Variants in DUXA observed in about 807,000 individuals in gnomAD.
The protein encoded by DUXA is double homeobox protein A.
A neutral mutation model predicts 27.5 loss-of-function variants in DUXA; 25 were observed. The ratio of observed to expected loss-of-function variants is 0.91; its 90% CI spans 0.66 to 1.27. The LOEUF is 1.27. Ranked by LOEUF, DUXA falls within the 50% of genes most tolerant of loss-of-function variation. The pLI is 0.00. For missense variants in DUXA, 247 were observed against 242.9 expected (o/e 1.02, Z -0.11); for synonymous variants, 90 against 80.5 (o/e 1.12, Z -0.63).
At chr19:57,161,983 C>T (rs1480058727) in intron 1 of DUXA, among the ~76,000 whole-genome samples, 1 of 152,086 alleles carries the variant, frequency 6.6e-6, no homozygotes, top group African/African-American at 2.4e-5. Flanking sequence ...TTCACCTCCA[C>T]AGGCTCAGGT....
chr19:57,161,382 G>A (rs1455787030), intron 1 of DUXA, among the ~76,000 whole-genome samples: 5 of 140,992 alleles, frequency 3.5e-5, no homozygotes, highest in Non-Finnish European at 7.5e-5. Flanking sequence ...CCAGCACTTT[G>A]GGAGGCCGAG....
intron 1 of DUXA, among the ~76,000 whole-genome samples, chr19:57,165,324 AATATAT>A (rs74179420): frequency 1.7e-4 from 15 of 89,264 alleles, no homozygotes; most frequent in Admixed American, 2.6e-4. Context: ...AAAAAAAAAA[AATATAT>A]ATATATATAT....
chr19:57,158,807 A>G (rs1254638286), intron 3 of DUXA, among the ~76,000 whole-genome samples: 1 of 152,150 alleles, frequency 6.6e-6, no homozygotes, highest in Non-Finnish European at 1.5e-5. Flanking sequence ...ATATGGCGAA[A>G]CCTCGTCTCT....
chr19:57,154,764 C>T (rs373090488), intron 5 of DUXA, among the ~76,000 whole-genome samples: 22 of 151,956 alleles, frequency 1.4e-4, no homozygotes, highest in Non-Finnish European at 5.9e-5. Flanking sequence ...GGGGTTTCAC[C>T]GTGTTAGCCA....
intron 5 of DUXA, 131 bp downstream of exon 5, chr19:57,155,136 A>G (rs2086986045): frequency 1.3e-6 from 1 of 761,304 alleles, no homozygotes; most frequent in South Asian, 1.7e-5. Flanking sequence ...GAGCAACCCC[A>G]TGGTACCGTG....
chr19:57,154,940 TGAGG>T (rs2086984928), intron 5 of DUXA, among the ~76,000 whole-genome samples: 2 of 152,218 alleles, frequency 1.3e-5, no homozygotes, highest in African/African-American at 4.8e-5. Flanking sequence ...AGACCACACC[TGAGG>T]ATTCATTCCT....
rs1430638529 is a variant in DUXA, at chr19:57,154,454, G to T, written c.573C>A (p.Asn191Lys). ...QGAEDTQNGT[N>K]FTSDSHFSGA... ...CAGAGAAATGAGAGTCACTAGTGAA[G>T]TTGGTGCCATTTTGTGTATCTTCTG... Residue 191 changes from asparagine (N) to lysine (K), a missense_variant, in exon 6 of 6, where the codon AAC (asparagine) becomes AAA (lysine). Transcript: ENST00000554048. 6.3e-7 allele frequency: 1 copy of T among 1,599,386 alleles called. No individual in the cohort carries two copies. The highest frequency in any genetic ancestry group is 8.6e-7 in the Non-Finnish European group (1 of 1,167,314).
At chr19:57,163,718 C>T (rs2087036467) in intron 1 of DUXA, among the ~76,000 whole-genome samples, 1 of 152,178 alleles carries the variant, frequency 6.6e-6, no homozygotes, top group African/African-American at 2.4e-5. Flanking sequence ...TGTGAGCCAC[C>T]ATGCCTGGCC....
intron 1 of DUXA, among the ~76,000 whole-genome samples, chr19:57,167,059 T>G (rs2087058574): frequency 1.3e-5 from 2 of 152,160 alleles, no homozygotes; most frequent in Admixed American, 1.3e-4. Context: ...CTGGAATCCT[T>G]GATTCCAAGG....
intron 5 of DUXA, among the ~76,000 whole-genome samples, chr19:57,154,685 T>C (rs1474352228): frequency 6.6e-6 from 1 of 151,666 alleles, no homozygotes; most frequent in African/African-American, 2.4e-5. Context: ...TGCCTCAGCC[T>C]CCCGAGTAGC....
chr19:57,160,860 T>A, intron 1 of DUXA, 63 bp from the exon 2 acceptor site: 2 of 1,574,170 alleles, frequency 1.3e-6, no homozygotes, highest in South Asian at 2.3e-5. Context: ...AAACTTCAGG[T>A]TCAAGCTAGT....
intron 2 of DUXA, 130 bp downstream of exon 2, chr19:57,160,513 G>T (rs1460444194): frequency 8.9e-7 from 1 of 1,119,660 alleles, no homozygotes; most frequent in African/African-American, 1.6e-5. Context: ...ACCTTCGTGG[G>T]TTTATTGAGG....
At chr19:57,158,794 C>T (rs1156349696) in intron 3 of DUXA, among the ~76,000 whole-genome samples, 4 of 152,116 alleles carry the variant, frequency 2.6e-5, no homozygotes, top group Non-Finnish European at 5.9e-5. Flanking sequence ...ACCAGCCTGA[C>T]CAATATGGCG....
At chr19:57,166,304 T>C (rs576797170) in intron 1 of DUXA, among the ~76,000 whole-genome samples, 8 of 152,036 alleles carry the variant, frequency 5.3e-5, no homozygotes, top group Non-Finnish European at 1.2e-4. Flanking sequence ...ATTTAATTTA[T>C]GTATGTATGT....
chr19:57,155,267 C>T lies in DUXA; in HGVS notation c.544G>A (p.Gly182Ser), dbSNP rs765067191. ...EQGKIPEGLQGAEDTQNGTNF... is the reference protein window; with the variant it reads ...EQGKIPEGLQSAEDTQNGTNF... ...ACATTGGAAACAACAGGCTAGTTAC[C>T]TTGCAGTCCCTCAGGAATCTTGCCC... The change falls in exon 5 of 6, where the codon GGT becomes AGT. Residue 182 changes from glycine (G) to serine (S), a missense_variant and splice_region_variant. Coordinates refer to ENST00000554048, the MANE Select transcript of DUXA (RefSeq NM_001012729.2). 1 of 1,613,980 alleles carries T rather than the reference C, an allele frequency of 6.2e-7. No individual in the cohort carries two copies. Among genetic ancestry groups the T allele is most frequent in the South Asian group, 1.1e-5 (1 of 91,082 alleles).
chr19:57,165,322 A>ATATATATATATATATGTATAT (rs1484903570), intron 1 of DUXA, among the ~76,000 whole-genome samples: 6 of 89,098 alleles, frequency 6.7e-5, no homozygotes, highest in Non-Finnish European at 9.5e-5. Flanking sequence ...AAAAAAAAAA[A>ATATATATATATATATGTATAT]AAATATATAT....
chr19:57,157,899 C>T (rs778306295), intron 4 of DUXA, among the ~76,000 whole-genome samples: 4 of 151,626 alleles, frequency 2.6e-5, no homozygotes, highest in Non-Finnish European at 5.9e-5. Context: ...GCAGCTGAAG[C>T]ACAAAAACCG....
In DUXA at chr19:57,158,449, G is replaced by A. The variant is rs1439252596; in HGVS notation, c.317C>T (p.Thr106Ile). The A allele has an allele frequency of 6.2e-7, 1 of 1,613,616 alleles. No individual in the cohort carries two copies. The highest frequency in any genetic ancestry group is 1.3e-5 in the African/African-American group (1 of 74,928). ...GTGTAACTGAGAGGCGCTGTAGGTG[G>A]TACGACACCGTCTGGCTTCTCTACC... ...FQSREARRCRTTYSASQLHTL... is the reference protein window; with the variant it reads ...FQSREARRCRITYSASQLHTL... The change falls in exon 4 of 6, where the codon ACC becomes ATC. Residue 106 changes from threonine to isoleucine, a missense_variant. Physicochemically the swap from Thr to Ile is moderately conservative, Grantham distance 89. Transcript: ENST00000554048.
chr19:57,163,198 C>T (rs1229237404), intron 1 of DUXA, among the ~76,000 whole-genome samples: 1 of 152,122 alleles, frequency 6.6e-6, no homozygotes, highest in East Asian at 1.9e-4. Flanking sequence ...GATGAGATCA[C>T]CTTGCTCAGG....
Sources: gnomAD v4.1 joint callset for allele counts (sites outside exome capture counted in the v4.1 genomes callset) on GRCh38, gnomAD v4.1.1 for gene constraint, MANE v1.5 for transcripts, NCBI Gene and HGNC (gene_info 2026-07-23, HGNC 2026-07-21) for gene names.